MAP3K20: variants seen among roughly 807,000 people sequenced by gnomAD.
MAP3K20 encodes the protein HCCS-4.
MAP3K20 carries 40 observed loss-of-function variants against 85.7 expected under a neutral mutation model. That is an observed-to-expected ratio of 0.47 (90% CI 0.36 to 0.61). The LOEUF is 0.61. Among genes scored for constraint, MAP3K20 ranks in the 20% least tolerant of loss-of-function variants. The pLI, the probability that MAP3K20 is intolerant of heterozygous loss-of-function variation, is 0.00. For synonymous variants in MAP3K20, 325 were observed against 327.7 expected (o/e 0.99, Z 0.09); for missense variants, 817 against 961.7 (o/e 0.85, Z 1.99).
chr2:173,262,328 G>A (rs755170189), intron 18 of MAP3K20, among the ~76,000 whole-genome samples: 3 of 152,110 alleles, frequency 2.0e-5, no homozygotes, highest in East Asian at 1.9e-4. Flanking sequence ...GGCCAGGCAC[G>A]GTGGCTCAAG....
chr2:173,172,949 C>A (rs1649587160), intron 3 of MAP3K20, among the ~76,000 whole-genome samples: 1 of 152,080 alleles, frequency 6.6e-6, no homozygotes, highest in Non-Finnish European at 1.5e-5. Flanking sequence ...AGGCGTGCGC[C>A]ACCATGCCCA....
At chr2:173,239,354 A>G in intron 15 of MAP3K20, 50 bp from the exon 16 acceptor site, 1 of 1,444,482 alleles carries the variant, frequency 6.9e-7, no homozygotes, top group Non-Finnish European at 9.4e-7. Flanking sequence ...TCTTTACATG[A>G]GAAGTAAAAA....
chr2:173,205,647 C>T (rs1234811795), intron 9 of MAP3K20, among the ~76,000 whole-genome samples: 4 of 152,138 alleles, frequency 2.6e-5, no homozygotes, highest in East Asian at 1.9e-4. Flanking sequence ...AACTGTGCTG[C>T]GTACATGTTG....
chr2:173,077,280 G>A (rs1167003542), intron 1 of MAP3K20, among the ~76,000 whole-genome samples: 2 of 147,298 alleles, frequency 1.4e-5, no homozygotes, highest in Non-Finnish European at 3.0e-5. Context: ...CTCCAAACAC[G>A]TTTAAAGACA....
chr2:173,258,405 A>G (rs1685207448), intron 16 of MAP3K20, among the ~76,000 whole-genome samples: 1 of 152,158 alleles, frequency 6.6e-6, no homozygotes, highest in South Asian at 2.1e-4. Flanking sequence ...TTATAAGGAA[A>G]CTGCCTGGTT....
In MAP3K20 at chr2:173,194,699, C is replaced by G. The variant is rs576793787; in HGVS notation, c.583-3327C>G. 5.9e-5 allele frequency among the ~76,000 whole-genome samples: 9 copies of G among 151,788 alleles called. No homozygotes were observed. In the East Asian group the frequency reaches 1.2e-3, roughly 20 times the overall value. Reference sequence around the variant, plus strand: ...TCCCATTGTTCATTGGGAGTCTGTTCTGTTCATTGAAACCCCCTCTACACA... The same window carrying G: ...TCCCATTGTTCATTGGGAGTCTGTTGTGTTCATTGAAACCCCCTCTACACA... On this transcript the variant is annotated intron_variant, in intron 7 of 19. Transcript: ENST00000375213.
At chr2:173,255,396 C>T (rs1574161935) in intron 16 of MAP3K20, among the ~76,000 whole-genome samples, 3 of 152,364 alleles carry the variant, frequency 2.0e-5, no homozygotes, top group African/African-American at 7.2e-5. Context: ...CAGCCTTGTG[C>T]TGATGTCAAC....
chr2:173,208,129 G>A (rs985358400), intron 9 of MAP3K20, among the ~76,000 whole-genome samples: 1 of 152,198 alleles, frequency 6.6e-6, no homozygotes, highest in Admixed American at 6.5e-5. Flanking sequence ...GCCAGGCACA[G>A]TGGCTCATGC....
At chr2:173,093,448 T>C (rs1687360434) in intron 2 of MAP3K20, among the ~76,000 whole-genome samples, 1 of 152,202 alleles carries the variant, frequency 6.6e-6, no homozygotes, top group Non-Finnish European at 1.5e-5. Context: ...TACCAAACTC[T>C]AACTTTGTTT....
intron 8 of MAP3K20, 72 bp from the exon 9 acceptor site, chr2:173,203,724 G>A (rs1428440285): frequency 8.6e-6 from 10 of 1,167,022 alleles, no homozygotes; most frequent in Non-Finnish European, 1.3e-6. Context: ...TGACCCTTCA[G>A]ATACGGTGTT....
chr2:173,152,049 C>G (rs1689323314), intron 2 of MAP3K20, among the ~76,000 whole-genome samples: 1 of 152,212 alleles, frequency 6.6e-6, no homozygotes, highest in Non-Finnish European at 1.5e-5. Context: ...TCTATACTCT[C>G]ATGCTTCATA....
Position 173,118,952 on chromosome 2 carries a change from C to A in MAP3K20, c.159+27762C>A, listed in dbSNP as rs768565782. ...GGATAATACCATGATATAGTAGATG[C>A]TTCAGTATGAAAACAGTAGATTGTA... On this transcript the variant is annotated intron_variant, in intron 2 of 19. Coordinates refer to ENST00000375213, the MANE Select transcript of MAP3K20 (RefSeq NM_016653.3). 2.4e-4 allele frequency among the ~76,000 whole-genome samples: 37 copies of A among 152,248 alleles called. 1 individual carries two copies. Among genetic ancestry groups the A allele is most frequent in the Middle Eastern group, 3.4e-3 (1 of 294 alleles).
intron 11 of MAP3K20, chr2:173,223,142 T>A (rs1684296333): frequency 1.0e-6 from 1 of 985,302 alleles, no homozygotes; most frequent in Non-Finnish European, 1.2e-6. Context: ...ATGATCAGTA[T>A]GCTGTGCCAG....
intron 3 of MAP3K20, among the ~76,000 whole-genome samples, chr2:173,170,613 T>C (rs1381088454): frequency 2.0e-5 from 3 of 152,328 alleles, no homozygotes; most frequent in East Asian, 3.9e-4. Flanking sequence ...AGAAAACCTT[T>C]AAGTATTAGC....
intron 14 of MAP3K20, among the ~76,000 whole-genome samples, chr2:173,234,954 T>G (rs1465702119): frequency 6.6e-6 from 1 of 152,100 alleles, no homozygotes. Flanking sequence ...TGGAGAATAA[T>G]AAGCACTGCA....
intron 2 of MAP3K20, among the ~76,000 whole-genome samples, chr2:173,130,880 T>C (rs1240929802): frequency 6.6e-6 from 1 of 152,248 alleles, no homozygotes; most frequent in Non-Finnish European, 1.5e-5. Flanking sequence ...GGATTCAGAA[T>C]GTGACAAGGT....
chr2:173,249,670 A>G (rs1304171575), intron 16 of MAP3K20, among the ~76,000 whole-genome samples: 4 of 152,238 alleles, frequency 2.6e-5, no homozygotes, highest in South Asian at 2.1e-4. Flanking sequence ...CAACTTCTAT[A>G]TTCGTTAAGA....
At chr2:173,262,404 A>G (rs1479942007) in intron 18 of MAP3K20, among the ~76,000 whole-genome samples, 1 of 152,182 alleles carries the variant, frequency 6.6e-6, no homozygotes, top group Non-Finnish European at 1.5e-5. Context: ...GTTCGAGACT[A>G]GCCTGGCCAA....
At chr2:173,169,746 T>C (rs1689946146) in intron 2 of MAP3K20, 59 bp from the exon 3 acceptor site, 2 of 1,539,786 alleles carry the variant, frequency 1.3e-6, no homozygotes, top group Non-Finnish European at 1.8e-6. Flanking sequence ...GAAGCCTGTT[T>C]TATTTGACTA....
Sources: gnomAD v4.1 joint callset for allele counts (sites outside exome capture counted in the v4.1 genomes callset) on GRCh38, gnomAD v4.1.1 for gene constraint, MANE v1.5 for transcripts, NCBI Gene and HGNC (gene_info 2026-07-23, HGNC 2026-07-21) for gene names.